XKR9: variants seen among roughly 807,000 people sequenced by gnomAD.
The protein encoded by XKR9 is XK related 9.
XKR9 carries 32 observed loss-of-function variants against 32.0 expected under a neutral mutation model. The observed-to-expected ratio is 1.00, with a 90% CI of 0.76 to 1.34. XKR9 has a LOEUF of 1.34. Ranked by LOEUF, XKR9 falls within the 40% of genes most tolerant of loss-of-function variation. The pLI, the probability that XKR9 is intolerant of heterozygous loss-of-function variation, is 0.00. For missense variants in XKR9, 546 were observed against 429.7 expected, an observed-to-expected ratio of 1.27 and a Z score of -2.39; for synonymous variants, 168 against 143.4, an observed-to-expected ratio of 1.17 and a Z score of -1.22.
intron 2 of XKR9, among the ~76,000 whole-genome samples, chr8:70,761,900 A>AT (rs139227120): frequency 0.33 from 49,788 of 150,874 alleles, 9,308 homozygotes; most frequent in Non-Finnish European, 0.43. Context: ...TCCAGTTTCA[A>AT]TTTTTTTTTG....
At chr8:70,799,485 C>T in the XKR9 span, among the ~76,000 whole-genome samples, 6 of 152,078 alleles carry the variant, frequency 3.9e-5, no homozygotes, top group Non-Finnish European at 5.9e-5. Flanking sequence ...TGCGTGCCAC[C>T]ATGCCCAGCT....
chr8:70,793,010 C>T (rs928528431), downstream of XKR9, among the ~76,000 whole-genome samples: 1 of 152,058 alleles, frequency 6.6e-6, no homozygotes, highest in Non-Finnish European at 1.5e-5. Flanking sequence ...TGGACTAAGA[C>T]AATTACAAAG....
the XKR9 span, among the ~76,000 whole-genome samples, chr8:70,882,762 T>C: frequency 5.3e-5 from 8 of 152,072 alleles, no homozygotes. Flanking sequence ...GCCATATTTA[T>C]ACTTTATTAT....
At chr8:70,742,011 T>C (rs1305342465) in intron 2 of XKR9, among the ~76,000 whole-genome samples, 2 of 152,042 alleles carry the variant, frequency 1.3e-5, no homozygotes, top group East Asian at 3.9e-4. Context: ...GAATATGAGA[T>C]GATATTTCTT....
the XKR9 span, among the ~76,000 whole-genome samples, chr8:70,869,613 C>T: frequency 2.0e-5 from 3 of 152,194 alleles, no homozygotes; most frequent in Non-Finnish European, 2.9e-5. Context: ...ACCAAGTTTT[C>T]GTTCTTTCCA....
At chr8:70,857,859 A>G in the XKR9 span, among the ~76,000 whole-genome samples, 1 of 152,226 alleles carries the variant, frequency 6.6e-6, no homozygotes, top group African/African-American at 2.4e-5. Context: ...AACCAATGAC[A>G]AAAACCACGT....
the XKR9 span, among the ~76,000 whole-genome samples, chr8:70,998,535 C>T: frequency 2.6e-5 from 4 of 152,154 alleles, no homozygotes; most frequent in African/African-American, 4.8e-5. Flanking sequence ...TCCTGTGGGT[C>T]GGAGTCAGAT....
At chr8:70,828,541 T>C in the XKR9 span, among the ~76,000 whole-genome samples, 17 of 152,002 alleles carry the variant, frequency 1.1e-4, no homozygotes, top group African/African-American at 3.9e-4. Context: ...CTGATCAACA[T>C]GGTGAAACCC....
At chr8:70,754,611 C>T (rs1350687188) in intron 2 of XKR9, among the ~76,000 whole-genome samples, 22 of 151,504 alleles carry the variant, frequency 1.5e-4, no homozygotes, top group East Asian at 7.7e-4. Context: ...TAACGCCGCA[C>T]ATCTACAACT....
the XKR9 span, among the ~76,000 whole-genome samples, chr8:70,965,637 A>T: frequency 3.9e-5 from 6 of 152,062 alleles, no homozygotes; most frequent in African/African-American, 1.4e-4. Flanking sequence ...AGAACTCATT[A>T]TTTGCCTATT....
rs1266630749 is a variant in XKR9 at position 70,734,687 on chromosome 8, A to G, written c.*263A>G. The stretch of plus-strand genomic sequence containing the variant: ...AAATATAAGAAATGGTCTGGTTTTC[A>G]TAATGAGAAGGCTGGAATTGAGCTT... On this transcript the variant is annotated 3_prime_UTR_variant, in exon 5 of 5. Transcript: ENST00000408926. The G allele has an allele frequency of 1.9e-5, 5 of 258,236 alleles. No homozygotes were observed. Among genetic ancestry groups the G allele is most frequent in the Non-Finnish European group, 3.5e-5 (5 of 144,900 alleles). The allele number at this position is 258,236 out of a possible 1,614,324, so 16.0% of individuals were successfully genotyped here. A position where few individuals can be genotyped will look rare whatever the true frequency, so the allele number is the denominator to read the frequency against.
At chr8:70,727,617 C>G (rs1347617199) in intron 4 of XKR9, among the ~76,000 whole-genome samples, 1 of 152,026 alleles carries the variant, frequency 6.6e-6, no homozygotes, top group African/African-American at 2.4e-5. Flanking sequence ...CCAGGCTGGT[C>G]TTGAACTCCT....
chr8:70,685,510 TA>T (rs775991509), intron 3 of XKR9, among the ~76,000 whole-genome samples: 4 of 143,110 alleles, frequency 2.8e-5, no homozygotes, highest in Non-Finnish European at 4.6e-5. Context: ...ATAATAATAA[TA>T]AAGAAAATGT....
In XKR9 at chr8:70,706,952, A is replaced by G; in HGVS notation, c.292A>G (p.Arg98Gly). 2.5e-6 allele frequency: 4 copies of G among 1,612,172 alleles called. No individual in the cohort carries two copies. Among genetic ancestry groups the G allele is most frequent in the African/African-American group, 1.3e-5 (1 of 75,000 alleles). Residue 98 changes from arginine (R) to glycine (G), a missense_variant, in exon 4 of 5, where the codon AGG (arginine) becomes GGG (glycine). Physicochemically the swap from Arg to Gly is moderately radical, Grantham distance 125. Transcript: ENST00000408926. Reference protein sequence around the residue: ...VFTRYWFALKRGYHAAFKYDS... With the variant: ...VFTRYWFALKGGYHAAFKYDS... ...TTATAGGTATTGGTTTGCCTTAAAA[A>G]GGGGTTACCATGCAGCTTTTAAATA...
At chr8:70,700,621 CG>C (rs1370827999) in intron 3 of XKR9, among the ~76,000 whole-genome samples, 10 of 152,162 alleles carry the variant, frequency 6.6e-5, no homozygotes, top group East Asian at 1.9e-4. Flanking sequence ...TTAGGCTGCT[CG>C]GGGGTCAGGG....
At chr8:70,852,639 C>T in the XKR9 span, among the ~76,000 whole-genome samples, 2 of 152,062 alleles carry the variant, frequency 1.3e-5, no homozygotes, top group South Asian at 2.1e-4. Flanking sequence ...AAAAATGTGG[C>T]ATATATACAC....
the XKR9 span, among the ~76,000 whole-genome samples, chr8:70,889,666 G>A: frequency 6.6e-6 from 1 of 151,730 alleles, no homozygotes; most frequent in Non-Finnish European, 1.5e-5. Flanking sequence ...AATATTATAT[G>A]TAATATTTGA....
intron 4 of XKR9, among the ~76,000 whole-genome samples, chr8:70,723,260 A>G (rs1806343286): frequency 6.6e-6 from 1 of 152,122 alleles, no homozygotes; most frequent in African/African-American, 2.4e-5. Flanking sequence ...TTTAGCTCAG[A>G]GGAGTTTATT....
At chr8:70,696,736 TGATGGG>T (rs1460538204) in intron 3 of XKR9, among the ~76,000 whole-genome samples, 3 of 150,524 alleles carry the variant, frequency 2.0e-5, no homozygotes, top group Non-Finnish European at 3.0e-5. Flanking sequence ...ATTGGTAGCT[TGATGGG>T]GATGACATTG....
Sources: allele counts gnomAD v4.1 joint callset (sites outside exome capture counted in the v4.1 genomes callset), GRCh38; gene constraint gnomAD v4.1.1; transcripts MANE v1.5; gene names NCBI Gene and HGNC (gene_info 2026-07-23, HGNC 2026-07-21).